GALNT13: variants seen among roughly 807,000 people sequenced by gnomAD.
The protein encoded by GALNT13 is polypeptide N-acetylgalactosaminyltransferase 13.
A neutral mutation model predicts 64.2 loss-of-function variants in GALNT13; 28 were observed. The observed-to-expected ratio is 0.44, with a 90% CI of 0.32 to 0.60. The LOEUF (loss-of-function observed/expected upper bound fraction) is 0.60, where lower values mean the gene tolerates loss of function less well. Among genes scored for constraint, GALNT13 ranks in the 20% least tolerant of loss-of-function variants. The pLI is 0.05. For missense variants in GALNT13, 577 were observed against 669.8 expected (o/e 0.86, Z 1.53); for synonymous variants, 214 against 224.6 (o/e 0.95, Z 0.42).
At chr2:153,965,800 C>CAAA (rs60658571) in intron 3 of GALNT13, among the ~76,000 whole-genome samples, 2 of 146,314 alleles carry the variant, frequency 1.4e-5, no homozygotes, top group African/African-American at 5.0e-5. Flanking sequence ...AAAAAATAAG[C>CAAA]AAAAAAAAAA....
chr2:153,499,965 C>T, the GALNT13 span, among the ~76,000 whole-genome samples: 14 of 152,212 alleles, frequency 9.2e-5, no homozygotes, highest in Non-Finnish European at 1.8e-4. Context: ...CCAGCTCTCC[C>T]GCCTGCTGCT....
chr2:153,560,010 T>A, the GALNT13 span, among the ~76,000 whole-genome samples: 1 of 152,222 alleles, frequency 6.6e-6, no homozygotes, highest in South Asian at 2.1e-4. Flanking sequence ...CTATGCTCTT[T>A]GAAGCTCAAT....
chr2:153,434,749 G>T, the GALNT13 span, among the ~76,000 whole-genome samples: 2 of 152,084 alleles, frequency 1.3e-5, no homozygotes, highest in Non-Finnish European at 1.5e-5. Flanking sequence ...AGATAAGTAG[G>T]TTGCAAAAAT....
intron 3 of GALNT13, among the ~76,000 whole-genome samples, chr2:154,077,148 ATTG>A (rs1432379157): frequency 1.3e-5 from 2 of 151,658 alleles, no homozygotes; most frequent in African/African-American, 4.8e-5. Flanking sequence ...TTATATGCTT[ATTG>A]TTTTGTGTGC....
At chr2:154,155,752 A>G (rs1348104433) in intron 4 of GALNT13, among the ~76,000 whole-genome samples, 1 of 151,988 alleles carries the variant, frequency 6.6e-6, no homozygotes, top group East Asian at 1.9e-4. Context: ...TGTTTAAATT[A>G]GAAAATTTAT....
At chr2:154,253,381 C>G (rs752127502) in intron 7 of GALNT13, among the ~76,000 whole-genome samples, 9 of 152,184 alleles carry the variant, frequency 5.9e-5, no homozygotes, top group Non-Finnish European at 8.8e-5. Context: ...TATTCTGTCA[C>G]AATTTCTGTT....
At chr2:153,630,255 C>T in the GALNT13 span, among the ~76,000 whole-genome samples, 7 of 151,880 alleles carry the variant, frequency 4.6e-5, no homozygotes, top group African/African-American at 1.7e-4. Context: ...ACCCAAATGT[C>T]CAACAATGAT....
At chr2:153,167,269 T>A in the GALNT13 span, among the ~76,000 whole-genome samples, 1 of 152,220 alleles carries the variant, frequency 6.6e-6, no homozygotes, top group Non-Finnish European at 1.5e-5. Context: ...TTTTGCCTTT[T>A]AAACTTGGGA....
chr2:153,537,203 G>C, the GALNT13 span, among the ~76,000 whole-genome samples: 75 of 152,308 alleles, frequency 4.9e-4, no homozygotes, highest in African/African-American at 1.7e-3. Context: ...AGCTGCAGAG[G>C]CTGTATAGGA....
the GALNT13 span, among the ~76,000 whole-genome samples, chr2:153,147,949 A>C: frequency 5.3e-5 from 8 of 151,944 alleles, no homozygotes; most frequent in South Asian, 1.2e-3. Flanking sequence ...GAACCTAGAC[A>C]TGCTTGAGTC....
At chr2:153,858,211 G>A in the GALNT13 span, among the ~76,000 whole-genome samples, 63,359 of 151,926 alleles carry the variant, frequency 0.42, 14,147 homozygotes, top group Admixed American at 0.57. Flanking sequence ...ATAGGAAGAG[G>A]GGACAGAAAA....
chr2:153,986,582 C>A (rs1207967938), intron 3 of GALNT13, among the ~76,000 whole-genome samples: 1 of 151,888 alleles, frequency 6.6e-6, no homozygotes, highest in African/African-American at 2.4e-5. Context: ...ATTTTTTAAT[C>A]CCCTGCCCTC....
At chr2:154,082,649 C>G (rs1210839953) in intron 3 of GALNT13, among the ~76,000 whole-genome samples, 1 of 151,750 alleles carries the variant, frequency 6.6e-6, no homozygotes, top group Non-Finnish European at 1.5e-5. Flanking sequence ...GGTTTCGAAT[C>G]AGAACTAGAA....
chr2:154,167,324 A>G (rs1401446513), intron 4 of GALNT13, among the ~76,000 whole-genome samples: 4 of 152,144 alleles, frequency 2.6e-5, no homozygotes, highest in African/African-American at 7.2e-5. Flanking sequence ...AAAACATAGC[A>G]TGGTCAATTG....
At chr2:153,586,657 T>A in the GALNT13 span, among the ~76,000 whole-genome samples, 1 of 152,164 alleles carries the variant, frequency 6.6e-6, no homozygotes, top group African/African-American at 2.4e-5. Flanking sequence ...AGCATTAAAC[T>A]TCAATTTAAC....
chr2:153,183,614 A>T, the GALNT13 span, among the ~76,000 whole-genome samples: 1 of 152,122 alleles, frequency 6.6e-6, no homozygotes, highest in African/African-American at 2.4e-5. Flanking sequence ...TTTTACATTT[A>T]AGTCTTTAAT....
At chr2:154,081,526 A>G (rs1701270595) in intron 3 of GALNT13, among the ~76,000 whole-genome samples, 2 of 151,678 alleles carry the variant, frequency 1.3e-5, no homozygotes, top group African/African-American at 4.8e-5. Context: ...AAACTGGGCC[A>G]TGATGGATCA....
the GALNT13 span, among the ~76,000 whole-genome samples, chr2:153,761,227 T>C: frequency 1.3e-5 from 2 of 152,214 alleles, no homozygotes; most frequent in East Asian, 3.8e-4. Context: ...ACATTCAAAG[T>C]AATTAGTGAT....
At chr2:153,083,190 C>T in the GALNT13 span, among the ~76,000 whole-genome samples, 1 of 152,142 alleles carries the variant, frequency 6.6e-6, no homozygotes, top group Non-Finnish European at 1.5e-5. Context: ...GTGTCTCTTT[C>T]ACATAATAAC....
Sources: gnomAD v4.1 joint callset for allele counts (sites outside exome capture counted in the v4.1 genomes callset) on GRCh38, gnomAD v4.1.1 for gene constraint, MANE v1.5 for transcripts, NCBI Gene and HGNC (gene_info 2026-07-23, HGNC 2026-07-21) for gene names.